ETV5: variants seen among roughly 807,000 people sequenced by gnomAD.
ETV5 encodes the protein ETS variant transcription factor 5, also known as ETS translocation variant 5.
In ETV5, 10 loss-of-function variants were observed where a neutral mutation model predicts 70.0. That is an observed-to-expected ratio of 0.14 (90% CI 0.09 to 0.24). The LOEUF is 0.24. Among genes scored for constraint, ETV5 ranks in the 10% least tolerant of loss-of-function variants. ETV5 has a pLI of 1.00. For missense variants in ETV5, 453 were observed against 651.2 expected (o/e 0.70, Z 3.31); for synonymous variants, 216 against 242.2 (o/e 0.89, Z 1.01).
intron 5 of ETV5, among the ~76,000 whole-genome samples, chr3:186,092,317 C>CA (rs1244341662): frequency 6.6e-6 from 1 of 152,170 alleles, no homozygotes; most frequent in African/African-American, 2.4e-5. Context: ...CATTAGTAGA[C>CA]AATGGTATCT....
At chr3:186,103,470 G>C (rs576881440) in intron 5 of ETV5, among the ~76,000 whole-genome samples, 40 of 152,306 alleles carry the variant, frequency 2.6e-4, no homozygotes, top group African/African-American at 9.1e-4. Context: ...AAACAAAAGT[G>C]TCATAAAAGC....
intron 9 of ETV5, among the ~76,000 whole-genome samples, chr3:186,063,708 T>C (rs1713365944): frequency 6.6e-6 from 1 of 152,196 alleles, no homozygotes; most frequent in South Asian, 2.1e-4. Context: ...AACATTTGTG[T>C]CCTTCAATAA....
chr3:186,046,575 A>C lies in ETV5; in HGVS notation c.*2064T>G, dbSNP rs1270273937. Reference sequence around the variant, plus strand: ...ACCGTGATGCCGCTGTCCTATGCCCAGTGACAGCACAGGTCACGTAAGTTA... The same window carrying C: ...ACCGTGATGCCGCTGTCCTATGCCCCGTGACAGCACAGGTCACGTAAGTTA... On this transcript the variant is annotated 3_prime_UTR_variant, in exon 13 of 13. Transcript: ENST00000306376. 4.4e-6 allele frequency: 1 copy of C among 229,030 alleles called. No individual in the cohort carries two copies. Among genetic ancestry groups the C allele is most frequent in the Admixed American group, 5.7e-5 (1 of 17,580 alleles). The allele number at this position is 229,030 out of a possible 1,614,324, so 14.2% of individuals were successfully genotyped here. A position where few individuals can be genotyped will look rare whatever the true frequency, so the allele number is the denominator to read the frequency against.
chr3:186,061,025 T>TA (rs1330251711), intron 9 of ETV5, among the ~76,000 whole-genome samples: 33 of 152,304 alleles, frequency 2.2e-4, no homozygotes, highest in African/African-American at 7.0e-4. Flanking sequence ...GCTGGACACT[T>TA]ACTCAGAACA....
At chr3:186,102,837 C>G (rs770194009) in intron 5 of ETV5, among the ~76,000 whole-genome samples, 1 of 152,082 alleles carries the variant, frequency 6.6e-6, no homozygotes, top group Non-Finnish European at 1.5e-5. Flanking sequence ...CTGTGGAAAG[C>G]GCTCATGGAA....
intron 5 of ETV5, among the ~76,000 whole-genome samples, chr3:186,102,095 T>C (rs1560057134): frequency 6.6e-6 from 1 of 152,106 alleles, no homozygotes; most frequent in Non-Finnish European, 1.5e-5. Context: ...GATGTATCCC[T>C]ATGGGCAGGA....
At chr3:186,088,074 G>A (rs974854619) in intron 5 of ETV5, among the ~76,000 whole-genome samples, 2 of 152,170 alleles carry the variant, frequency 1.3e-5, no homozygotes, top group African/African-American at 4.8e-5. Flanking sequence ...CCGCCTTCCA[G>A]CAGTTGCCAT....
In ETV5 at chr3:186,069,582, G is replaced by A. The variant is rs117438186; in HGVS notation, c.651-3510C>T. Among the ~76,000 whole-genome samples the A allele has an allele frequency of 4.0e-5, 6 of 151,070 alleles. No individual in the cohort carries two copies. The East Asian group carries it at 9.8e-4, about 25-fold the overall frequency. On this transcript the variant is annotated intron_variant, in intron 7 of 12. Coordinates refer to ENST00000306376, the MANE Select transcript of ETV5 (RefSeq NM_004454.3). ...GCTCTGTCACCCAGGCTGGAGTGCA[G>A]TGACTCGAGTGACTCGATCTCAGCT...
chr3:186,082,430 T>C lies in ETV5; in HGVS notation c.233-1255A>G, dbSNP rs528578365. On this transcript the variant is annotated intron_variant, in intron 5 of 12. Transcript: ENST00000306376. ...GCTAAACAAATCATCACTTTTCTCT[T>C]TTTTTTTTTTTTTTTGAGACGGAGT... is the stretch of plus-strand genomic sequence containing the variant. 4.2e-3 allele frequency among the ~76,000 whole-genome samples: 451 copies of C among 108,206 alleles called. 1 individual carries two copies. Among genetic ancestry groups the C allele is most frequent in the Middle Eastern group, 0.024 (5 of 212 alleles). 71.0% of individuals were successfully genotyped at this position (108,206 alleles called of 152,430 possible).
intron 7 of ETV5, among the ~76,000 whole-genome samples, chr3:186,071,361 C>T (rs1320025730): frequency 6.6e-6 from 1 of 152,130 alleles, no homozygotes; most frequent in African/African-American, 2.4e-5. Context: ...GGGAAGAAGA[C>T]GGAAAATCGA....
rs933648751 is a variant in ETV5 at position 186,048,866 on chromosome 3, G to A, written c.1312-6C>T. 1 of 1,612,306 alleles carries A rather than the reference G, an allele frequency of 6.2e-7. No homozygotes were observed. Among genetic ancestry groups the A allele is most frequent in the South Asian group, 1.1e-5 (1 of 90,838 alleles). ...ACGTATCGCTCTCCAGCCACCTGCG[G>A]GAGAACACACACCTTACAGGGCCCA... On this transcript the variant is annotated splice_region_variant and splice_polypyrimidine_tract_variant and intron_variant, in intron 12 of 12. Transcript: ENST00000306376.
At chr3:186,065,019 A>T (rs554405851) in intron 8 of ETV5, among the ~76,000 whole-genome samples, 1 of 152,334 alleles carries the variant, frequency 6.6e-6, no homozygotes, top group African/African-American at 2.4e-5. Flanking sequence ...AGAGGATTGC[A>T]GTTTGGTCCA....
At chr3:186,103,545 C>G (rs1206326827) in intron 5 of ETV5, among the ~76,000 whole-genome samples, 4 of 151,486 alleles carry the variant, frequency 2.6e-5, no homozygotes, top group African/African-American at 9.7e-5. Context: ...CTGCTCTGAG[C>G]AAGAACTGGA....
chr3:186,098,452 T>C (rs528474714), intron 5 of ETV5, among the ~76,000 whole-genome samples: 94 of 152,264 alleles, frequency 6.2e-4, no homozygotes, highest in African/African-American at 2.1e-3. Flanking sequence ...CCAGATTTTC[T>C]GGCTGCAGAG....
intron 5 of ETV5, among the ~76,000 whole-genome samples, chr3:186,103,530 T>TTTTAG (rs1246152442): frequency 1.3e-5 from 2 of 151,854 alleles, no homozygotes; most frequent in Non-Finnish European, 2.9e-5. Flanking sequence ...AGACTGCAGT[T>TTTTAG]TATGCTGCTC....
At position 186,081,064 on chromosome 3, in the gene ETV5, T is replaced by G; in HGVS notation, c.344A>C (p.Lys115Thr). The G allele has an allele frequency of 6.2e-7, 1 of 1,612,440 alleles. No homozygotes were observed. The highest frequency in any genetic ancestry group is 8.5e-7 in the Non-Finnish European group (1 of 1,179,088). Residue 115 changes from lysine (K) to threonine (T), a missense_variant, in exon 6 of 13, where the codon AAG becomes ACG. Transcript: ENST00000306376. Reference protein sequence around the residue: ...EQALGANYGEKCLYNYCAYDR... With the variant: ...EQALGANYGETCLYNYCAYDR... ...CACTCACCAATAGTTGTAGAGGCACTTTTCTCCATAGTTAGCACCAAGAGC... is the reference window on the plus strand; with the variant it reads ...CACTCACCAATAGTTGTAGAGGCACGTTTCTCCATAGTTAGCACCAAGAGC...
rs1363816206 is a variant in ETV5 at position 186,074,795 on chromosome 3, T to C, written c.650+5022A>G. On this transcript the variant is annotated intron_variant, in intron 7 of 12. Transcript: ENST00000306376. Reference sequence around the variant, plus strand: ...TGGGCGTGGTGGTGCCCGCCTATAATTCCAGCTATGCACCCAGATGGCGCC... The same window carrying C: ...TGGGCGTGGTGGTGCCCGCCTATAACTCCAGCTATGCACCCAGATGGCGCC... Among the ~76,000 whole-genome samples the C allele has an allele frequency of 2.7e-5, 4 of 147,856 alleles. No homozygotes were observed. In the Admixed American group the frequency reaches 2.7e-4, roughly 10 times the overall value.
chr3:186,103,666 CACACTT>C (rs1224688588), intron 5 of ETV5, among the ~76,000 whole-genome samples: 1 of 124,596 alleles, frequency 8.0e-6, no homozygotes, highest in Non-Finnish European at 1.7e-5. Flanking sequence ...CACACACACA[CACACTT>C]GGATTATCTT....
intron 7 of ETV5, among the ~76,000 whole-genome samples, chr3:186,066,696 T>C (rs772303084): frequency 1.3e-5 from 2 of 152,186 alleles, no homozygotes; most frequent in Non-Finnish European, 2.9e-5. Flanking sequence ...TGAAAATTAA[T>C]CTATAAAAGC....
Sources: allele counts gnomAD v4.1 joint callset (sites outside exome capture counted in the v4.1 genomes callset), GRCh38; gene constraint gnomAD v4.1.1; transcripts MANE v1.5; gene names NCBI Gene and HGNC (gene_info 2026-07-23, HGNC 2026-07-21).